The following RAB27A variants were observed in gnomAD, a reference collection of about 807,000 sequenced individuals.
The protein encoded by RAB27A is RAB27A, member RAS oncogene family, also known as ras-related protein Rab-27A.
A neutral mutation model predicts 20.8 loss-of-function variants in RAB27A; 17 were observed. The observed-to-expected ratio is 0.82, with a 90% CI of 0.56 to 1.23. The LOEUF (loss-of-function observed/expected upper bound fraction) is 1.23. RAB27A is among the 50% of genes most tolerant of loss of function. RAB27A has a pLI of 0.00. For missense variants in RAB27A, 277 were observed against 266.7 expected, an observed-to-expected ratio of 1.04 and a Z score of -0.27; for synonymous variants, 85 against 92.8, an observed-to-expected ratio of 0.92 and a Z score of 0.48.
At position 55,223,911 on chromosome 15, in the gene RAB27A, T is replaced by C. The variant is rs1197622697; in HGVS notation, c.445A>G (p.Ile149Val). ...CACCCATATTTCTCTGCGAGTGCTA[T>C]GGCTTCCTCCTCTTTCACTACTCTC... ...DQRVVKEEEA[I>V]ALAEKYGIPY... Residue 149 changes from isoleucine (I) to valine (V), a missense_variant, in exon 6 of 7, where the codon ATA becomes GTA. Ile to Val is a conservative substitution (Grantham distance 29). Transcript: ENST00000336787. 2 of 1,613,926 alleles carry C rather than the reference T, an allele frequency of 1.2e-6. No individual in the cohort carries two copies. Among genetic ancestry groups the C allele is most frequent in the East Asian group, 2.2e-5 (1 of 44,868 alleles).
In RAB27A at chr15:55,204,171, C is replaced by G. The variant is rs969048709; in HGVS notation, c.*1336G>C. ...TAAGATCTCTGGAAGTTTTGATCTA[C>G]TTTATTCAAACCACTTTAATAAATA... is the stretch of plus-strand genomic sequence containing the variant. On this transcript the variant is annotated 3_prime_UTR_variant, in exon 7 of 7. Transcript: ENST00000336787. The G allele has an allele frequency of 1.3e-5, 2 of 152,140 alleles. No individual in the cohort carries two copies. The highest frequency in any genetic ancestry group is 4.8e-5 in the African/African-American group (2 of 41,436). 9.4% of individuals were successfully genotyped at this position (152,140 alleles called of 1,614,324 possible).
chr15:55,313,731 C>G (rs557697166), intron 2 of RAB27A, among the ~76,000 whole-genome samples: 19 of 152,098 alleles, frequency 1.2e-4, no homozygotes, highest in Non-Finnish European at 2.5e-4. Flanking sequence ...AAAATTACTT[C>G]GGGAAGCCGA....
chr15:55,279,684 A>T (rs1218867090), intron 1 of RAB27A, among the ~76,000 whole-genome samples: 2 of 152,262 alleles, frequency 1.3e-5, no homozygotes, highest in African/African-American at 4.8e-5. Context: ...AGTGTCTCAC[A>T]TACAGCAGGT....
At position 55,263,371 on chromosome 15, in the gene RAB27A, C is replaced by T. The variant is rs565627548; in HGVS notation, c.-23+6794G>A. ...TTACATTTATATAAGTCGCTCCCGTCTTGGGCTTAAAAAAAAAAGTTACTT... is the reference window on the plus strand; with the variant it reads ...TTACATTTATATAAGTCGCTCCCGTTTTGGGCTTAAAAAAAAAAGTTACTT... On this transcript the variant is annotated intron_variant, in intron 2 of 6. Transcript: ENST00000336787. 2.1e-5 allele frequency among the ~76,000 whole-genome samples: 3 copies of T among 141,046 alleles called. No homozygotes were observed. In the East Asian group the frequency reaches 8.3e-4, roughly 39 times the overall value. 92.5% of individuals were successfully genotyped at this position (141,046 alleles called of 152,430 possible).
chr15:55,304,225 G>A lies in RAB27A; in HGVS notation c.-112+9814C>T, dbSNP rs2054987990. The stretch of plus-strand genomic sequence containing the variant: ...ACTCAGGGTTAAATGGATTAAGGGC[G>A]GTGCAAGATGTGCTTTGTTAAACAG... On this transcript the variant is annotated intron_variant, in intron 2 of 5. Transcript: ENST00000563262. Among the ~76,000 whole-genome samples, 6 of 151,012 alleles carry A rather than the reference G, an allele frequency of 4.0e-5. No homozygotes were observed. In the South Asian group the frequency reaches 8.4e-4, roughly 21 times the overall value.
At chr15:55,250,340 C>A (rs1047852521) in intron 2 of RAB27A, among the ~76,000 whole-genome samples, 5 of 152,258 alleles carry the variant, frequency 3.3e-5, no homozygotes, top group African/African-American at 1.2e-4. Context: ...AATTTAGAGA[C>A]CTCCAAGTTA....
intron 2 of RAB27A, among the ~76,000 whole-genome samples, chr15:55,297,550 T>G (rs1208617399): frequency 6.6e-6 from 1 of 152,240 alleles, no homozygotes; most frequent in Non-Finnish European, 1.5e-5. Flanking sequence ...TGCAGGCCAT[T>G]CAGCTGGGGC....
At chr15:55,264,928 C>T (rs1349486379) in intron 2 of RAB27A, among the ~76,000 whole-genome samples, 1 of 152,112 alleles carries the variant, frequency 6.6e-6, no homozygotes, top group African/African-American at 2.4e-5. Flanking sequence ...TGTGGAAATG[C>T]CCAAGGAAAA....
rs751470320 is a variant in RAB27A at position 55,234,981 on chromosome 15, T to A, written c.-22-25A>T. 5 of 1,537,134 alleles carry A rather than the reference T, an allele frequency of 3.3e-6. No individual in the cohort carries two copies. The South Asian group carries it at 3.5e-5, about 11-fold the overall frequency. On this transcript the variant is annotated intron_variant, in intron 2 of 6. Coordinates refer to ENST00000336787, the MANE Select transcript of RAB27A (RefSeq NM_183235.3). ...CCTGTAAAATACACACAAAATTTTT[T>A]AATTAAAATCCATTAGAAAACATTA...
chr15:55,317,985 CAA>C (rs2055066811), intron 1 of RAB27A: 3 of 345,724 alleles, frequency 8.7e-6, no homozygotes, highest in Non-Finnish European at 5.2e-6. Flanking sequence ...CTAATTAAAA[CAA>C]GAATATAAAT....
In RAB27A at chr15:55,223,953, T is replaced by C; in HGVS notation, c.403A>G (p.Ser135Gly). 1 of 1,612,834 alleles carries C rather than the reference T, an allele frequency of 6.2e-7. No homozygotes were observed. Among genetic ancestry groups the C allele is most frequent in the Non-Finnish European group, 8.5e-7 (1 of 1,178,878 alleles). Residue 135 changes from serine to glycine, a missense_variant, in exon 6 of 7, where the codon AGT (serine) becomes GGT (glycine). Physicochemically the swap from Ser to Gly is moderately conservative, Grantham distance 56. Coordinates refer to ENST00000336787, the MANE Select transcript of RAB27A (RefSeq NM_183235.3). ...ACTACTCTCTGGTCCTCCAGATCAC[T>C]CTTGTTTCCACACAGCACTATATCT... is the stretch of plus-strand genomic sequence containing the variant. The part of the protein sequence containing the change: ...NPDIVLCGNK[S>G]DLEDQRVVKE...
chr15:55,268,042 A>G (rs1022405606), intron 2 of RAB27A, among the ~76,000 whole-genome samples: 1 of 152,216 alleles, frequency 6.6e-6, no homozygotes, highest in Non-Finnish European at 1.5e-5. Context: ...GTGGTAAGAG[A>G]CAGAGAGAGC....
intron 2 of RAB27A, among the ~76,000 whole-genome samples, chr15:55,298,939 T>C (rs538104659): frequency 6.6e-6 from 1 of 152,334 alleles, no homozygotes; most frequent in Non-Finnish European, 1.5e-5. Context: ...CCCTGAACAA[T>C]TGCTGTTATC....
intron 1 of RAB27A, among the ~76,000 whole-genome samples, chr15:55,315,846 A>G (rs145163218): frequency 0.051 from 7,748 of 152,270 alleles, 276 homozygotes; most frequent in East Asian, 0.15. Context: ...ACAGTGTGGC[A>G]ATTCCTCAAG....
At chr15:55,210,021 CGCAT>C (rs1335215023) in intron 6 of RAB27A, among the ~76,000 whole-genome samples, 2 of 133,776 alleles carry the variant, frequency 1.5e-5, no homozygotes, top group East Asian at 4.6e-4. Context: ...TACATATATA[CGCAT>C]ATATATGTGT....
upstream of RAB27A, among the ~76,000 whole-genome samples, chr15:55,294,480 C>G (rs1183962119): frequency 6.8e-6 from 1 of 147,590 alleles, no homozygotes; most frequent in Non-Finnish European, 1.5e-5. Context: ...CCCAACTACT[C>G]GGGAAGCTGA....
At chr15:55,312,937 C>A (rs2055027358) in intron 2 of RAB27A, among the ~76,000 whole-genome samples, 1 of 152,116 alleles carries the variant, frequency 6.6e-6, no homozygotes, top group South Asian at 2.1e-4. Context: ...TACAACTGCT[C>A]TCCATCTCTC....
chr15:55,209,912 A>ATACACACATATGTG (rs1894881346), intron 6 of RAB27A, among the ~76,000 whole-genome samples: 1 of 113,132 alleles, frequency 8.8e-6, no homozygotes, highest in African/African-American at 4.7e-5. Context: ...ATGTGTGTGT[A>ATACACACATATGTG]TGTATATACA....
intron 2 of RAB27A, among the ~76,000 whole-genome samples, chr15:55,249,396 T>C (rs984006884): frequency 6.6e-6 from 1 of 152,122 alleles, no homozygotes; most frequent in African/African-American, 2.4e-5. Flanking sequence ...CACCTCAGCC[T>C]CCTAAGTAGC....
Sources: gnomAD v4.1 joint callset for allele counts (sites outside exome capture counted in the v4.1 genomes callset) on GRCh38, gnomAD v4.1.1 for gene constraint, MANE v1.5 for transcripts, NCBI Gene and HGNC (gene_info 2026-07-23, HGNC 2026-07-21) for gene names.